The following DOCK4 variants were observed in gnomAD, a reference collection of about 807,000 sequenced individuals.
DOCK4 encodes the protein dedicator of cytokinesis protein 4.
DOCK4 carries 97 observed loss-of-function variants against 268.1 expected under a neutral mutation model. That is an observed-to-expected ratio of 0.36 (90% CI 0.31 to 0.43). The LOEUF is 0.43. Among genes scored for constraint, DOCK4 ranks in the 20% least tolerant of loss-of-function variants. DOCK4 has a pLI of 1.00. For missense variants in DOCK4, 2,145 were observed against 2,455.7 expected (o/e 0.87, Z 2.67); for synonymous variants, 954 against 887.2 (o/e 1.08, Z -1.34).
chr7:111,909,298 G>A (rs962885409), intron 13 of DOCK4, among the ~76,000 whole-genome samples: 10 of 152,170 alleles, frequency 6.6e-5, no homozygotes, highest in African/African-American at 2.4e-4. Flanking sequence ...TTTCTTGGCC[G>A]CATAACTGTC....
At chr7:112,078,359 A>G (rs1274283941) in intron 1 of DOCK4, among the ~76,000 whole-genome samples, 1 of 152,210 alleles carries the variant, frequency 6.6e-6, no homozygotes, top group Non-Finnish European at 1.5e-5. Flanking sequence ...TATATGAAAT[A>G]CAAATGGTTT....
intron 20 of DOCK4, among the ~76,000 whole-genome samples, chr7:111,870,323 CT>C (rs796444724): frequency 1.3e-3 from 169 of 131,328 alleles, no homozygotes; most frequent in Middle Eastern, 8.2e-3. Flanking sequence ...TTTTTCTTTT[CT>C]TTTTTTTTTT....
intron 32 of DOCK4, among the ~76,000 whole-genome samples, chr7:111,786,160 T>C (rs959399026): frequency 6.6e-6 from 1 of 152,194 alleles, no homozygotes; most frequent in African/African-American, 2.4e-5. Context: ...TTTGAAATAA[T>C]GTGGAGTCTT....
intron 1 of DOCK4, among the ~76,000 whole-genome samples, chr7:112,020,004 G>A (rs1383051344): frequency 2.0e-5 from 3 of 152,160 alleles, no homozygotes; most frequent in Non-Finnish European, 4.4e-5. Context: ...GAGCTGCAGA[G>A]TTAAAAATAC....
chr7:111,905,927 T>C (rs893603924), intron 13 of DOCK4, among the ~76,000 whole-genome samples: 5 of 152,206 alleles, frequency 3.3e-5, no homozygotes, highest in Admixed American at 6.5e-5. Flanking sequence ...GAGTACCTAC[T>C]ATGTGCTGGG....
intron 1 of DOCK4, among the ~76,000 whole-genome samples, chr7:112,115,379 C>T (rs1482294674): frequency 2.0e-5 from 3 of 152,318 alleles, no homozygotes; most frequent in Admixed American, 2.0e-4. Flanking sequence ...TGAAAGAACA[C>T]CATTTAGATT....
intron 1 of DOCK4, among the ~76,000 whole-genome samples, chr7:112,126,938 AG>A (rs1174785146): frequency 6.6e-6 from 1 of 152,024 alleles, no homozygotes; most frequent in Non-Finnish European, 1.5e-5. Context: ...GTGGAGAAAT[AG>A]GAACACTTTT....
At chr7:112,191,383 C>G (rs981213150) in intron 1 of DOCK4, among the ~76,000 whole-genome samples, 1 of 151,924 alleles carries the variant, frequency 6.6e-6, no homozygotes, top group African/African-American at 2.4e-5. Flanking sequence ...TTTCTCCCCA[C>G]CCCTCTAGTA....
intron 1 of DOCK4, among the ~76,000 whole-genome samples, chr7:112,064,656 C>A (rs941466358): frequency 1.1e-4 from 16 of 150,668 alleles, no homozygotes; most frequent in Admixed American, 1.3e-4. Flanking sequence ...TACAAGACAG[C>A]AGCTATTATG....
At chr7:112,122,989 A>T (rs1307883026) in intron 1 of DOCK4, among the ~76,000 whole-genome samples, 1 of 152,200 alleles carries the variant, frequency 6.6e-6, no homozygotes, top group Non-Finnish European at 1.5e-5. Flanking sequence ...CAAATTACTC[A>T]GGGCAAAGGC....
intron 1 of DOCK4, among the ~76,000 whole-genome samples, chr7:112,028,422 C>T (rs1349361612): frequency 3.9e-5 from 6 of 152,140 alleles, no homozygotes; most frequent in African/African-American, 1.4e-4. Context: ...TCAAAAGGAC[C>T]TATCAATGCT....
At chr7:111,832,601 C>T (rs563071636) in intron 26 of DOCK4, among the ~76,000 whole-genome samples, 41 of 152,216 alleles carry the variant, frequency 2.7e-4, no homozygotes, top group African/African-American at 9.2e-4. Context: ...GATCTCAGCT[C>T]ACTGCCACCT....
chr7:111,959,608 C>A (rs2134965008), intron 8 of DOCK4, among the ~76,000 whole-genome samples: 1 of 152,306 alleles, frequency 6.6e-6, no homozygotes, highest in East Asian at 1.9e-4. Context: ...GCATTTTTTA[C>A]TAGTCTGGGC....
chr7:112,179,526 G>GTT (rs57154206), intron 1 of DOCK4, among the ~76,000 whole-genome samples: 3 of 145,410 alleles, frequency 2.1e-5, no homozygotes, highest in African/African-American at 7.5e-5. Context: ...TTGTTTTTTT[G>GTT]TTTTTTTTTT....
At position 111,813,291 on chromosome 7, in the gene DOCK4, C is replaced by T. The variant is rs551874257; in HGVS notation, c.2931-1342G>A. ...TGAAAAAACAAAAGAAAACAAAATA[C>T]AGTATCAACTTCAAACTTTGGTTAT... On this transcript the variant is annotated intron_variant, in intron 27 of 52. Coordinates refer to ENST00000428084, the MANE Select transcript of DOCK4 (RefSeq NM_001363540.2). Among the ~76,000 whole-genome samples the T allele has an allele frequency of 5.3e-5, 8 of 152,226 alleles. No homozygotes were observed. In the East Asian group the frequency reaches 7.7e-4, roughly 15 times the overall value.
chr7:112,125,173 A>G (rs908314452), intron 1 of DOCK4, among the ~76,000 whole-genome samples: 3 of 152,172 alleles, frequency 2.0e-5, no homozygotes, highest in South Asian at 2.1e-4. Flanking sequence ...ACTATTTTCT[A>G]TAATATCTTT....
At chr7:111,985,585 C>G (rs1482235520) in intron 6 of DOCK4, among the ~76,000 whole-genome samples, 1 of 152,124 alleles carries the variant, frequency 6.6e-6, no homozygotes, top group East Asian at 1.9e-4. Context: ...CCCCAGCCAC[C>G]CTGAGGGCTA....
At chr7:112,142,050 C>G (rs1814983586) in intron 1 of DOCK4, among the ~76,000 whole-genome samples, 2 of 152,164 alleles carry the variant, frequency 1.3e-5, no homozygotes, top group Admixed American at 1.3e-4. Flanking sequence ...TACACTGAGT[C>G]TAGGAGCCAG....
chr7:111,918,464 A>G (rs1792806995), intron 12 of DOCK4, among the ~76,000 whole-genome samples: 1 of 152,202 alleles, frequency 6.6e-6, no homozygotes, highest in Non-Finnish European at 1.5e-5. Flanking sequence ...CATCTGGATG[A>G]TTTGATGGAG....
Sources: gnomAD v4.1 joint callset for allele counts (sites outside exome capture counted in the v4.1 genomes callset) on GRCh38, gnomAD v4.1.1 for gene constraint, MANE v1.5 for transcripts, NCBI Gene and HGNC (gene_info 2026-07-23, HGNC 2026-07-21) for gene names.